The following DCP1B variants were observed in gnomAD, a reference collection of about 807,000 sequenced individuals.
DCP1B encodes mRNA-decapping enzyme 1B.
DCP1B carries 47 observed loss-of-function variants against 60.5 expected under a neutral mutation model. The observed-to-expected ratio is 0.78, with a 90% CI of 0.61 to 0.99. The LOEUF (loss-of-function observed/expected upper bound fraction) is 0.99, where lower values mean the gene tolerates loss of function less well. DCP1B is among the 50% of genes least tolerant of loss of function. DCP1B has a pLI of 0.00. For missense variants in DCP1B, 725 were observed against 756.8 expected (o/e 0.96, Z 0.49); for synonymous variants, 267 against 280.3 (o/e 0.95, Z 0.47).
intron 7 of DCP1B, 31 bp from the exon 8 acceptor site, chr12:1,949,365 G>C (rs957835177): frequency 1.2e-6 from 2 of 1,606,762 alleles, no homozygotes; most frequent in East Asian, 2.2e-5. Context: ...CAGAGAGCGG[G>C]GTTCAGGAGC....
Position 1,952,981 on chromosome 12 carries a change from C to T in DCP1B, c.959G>A (p.Ser320Asn), listed in dbSNP as rs529051226. The T allele has an allele frequency of 1.2e-6, 2 of 1,614,144 alleles. No individual in the cohort carries two copies. Among genetic ancestry groups the T allele is most frequent in the East Asian group, 4.5e-5 (2 of 44,892 alleles). ...LPENRPCENG[S>N]THSAGEFFTG... Reference sequence around the variant, plus strand: ...AAAAAATTCTCCCGCAGAATGGGTACTGCCATTTTCACAAGGCCGGTTTTC... The same window carrying T: ...AAAAAATTCTCCCGCAGAATGGGTATTGCCATTTTCACAAGGCCGGTTTTC... Residue 320 changes from serine to asparagine, a missense_variant, in exon 7 of 9, where the codon AGT becomes AAT. Transcript: ENST00000280665.
chr12:1,982,305 C>T (rs1376475630), intron 3 of DCP1B, among the ~76,000 whole-genome samples: 3 of 152,072 alleles, frequency 2.0e-5, no homozygotes, highest in Admixed American at 6.5e-5. Flanking sequence ...GCAACCATCA[C>T]CGCTATCCAT....
rs2030852347 is a variant in DCP1B at position 1,955,542 on chromosome 12, G to C, written c.541C>G (p.Pro181Ala). ...EYTKCKTCSE[P>A]KKITSSSAIY... ...GCAGAGGAACTGGTTATCTTTTTTG[G>C]CTCAGAACAGGTTTTACACTGAAAT... The change falls in exon 6 of 9, where the codon CCA (proline) becomes GCA (alanine). Residue 181 changes from proline to alanine, a missense_variant. Physicochemically the swap from Pro to Ala is conservative, Grantham distance 27. Transcript: ENST00000280665. 6.2e-7 allele frequency: 1 copy of C among 1,613,156 alleles called. No homozygotes were observed. Among genetic ancestry groups the C allele is most frequent in the South Asian group, 1.1e-5 (1 of 91,044 alleles).
chr12:1,980,010 T>G (rs1251573156), intron 3 of DCP1B, among the ~76,000 whole-genome samples: 1 of 152,144 alleles, frequency 6.6e-6, no homozygotes, highest in African/African-American at 2.4e-5. Flanking sequence ...ATGGGAAGTC[T>G]TAGACATTAT....
downstream of DCP1B, among the ~76,000 whole-genome samples, chr12:1,941,952 AT>A (rs2030290405): frequency 6.6e-6 from 1 of 152,230 alleles, no homozygotes; most frequent in South Asian, 2.1e-4. Context: ...TTAACCTTAA[AT>A]GTAAATGGGC....
intron 3 of DCP1B, among the ~76,000 whole-genome samples, chr12:1,985,898 C>A (rs931014859): frequency 1.8e-4 from 28 of 152,280 alleles, no homozygotes; most frequent in African/African-American, 6.5e-4. Context: ...GCAAGCTCCA[C>A]CTCCTGGGTT....
intron 3 of DCP1B, among the ~76,000 whole-genome samples, chr12:1,988,460 G>A (rs893584895): frequency 6.6e-6 from 1 of 152,212 alleles, no homozygotes; most frequent in Admixed American, 6.5e-5. Context: ...CCATTCTGCA[G>A]GGTGGGTCAA....
chr12:1,997,705 T>C (rs1446214338), intron 2 of DCP1B, among the ~76,000 whole-genome samples: 2 of 152,260 alleles, frequency 1.3e-5, no homozygotes, highest in Non-Finnish European at 2.9e-5. Context: ...TGATTTAAGT[T>C]CATCTACATT....
chr12:1,949,851 C>A (rs1225725850), intron 7 of DCP1B, among the ~76,000 whole-genome samples: 3 of 152,232 alleles, frequency 2.0e-5, no homozygotes, highest in Non-Finnish European at 2.9e-5. Flanking sequence ...CCTTCCCTGA[C>A]AGGATCTGCC....
chr12:1,968,636 G>A (rs1565772001), intron 3 of DCP1B, among the ~76,000 whole-genome samples: 1 of 152,142 alleles, frequency 6.6e-6, no homozygotes, highest in African/African-American at 2.4e-5. Flanking sequence ...TCAGAAACCT[G>A]ATACTCAAAT....
Position 1,950,673 on chromosome 12 carries a change from G to T in DCP1B, c.1525-1339C>A, listed in dbSNP as rs112398754. The stretch of plus-strand genomic sequence containing the variant: ...ACTGAATTTTTTGTTTTGAGACAAG[G>T]TCTCACTCTACTGCCCAGGCTGGAG... On this transcript the variant is annotated intron_variant, in intron 7 of 8. Transcript: ENST00000280665. 1.7e-3 allele frequency among the ~76,000 whole-genome samples: 255 copies of T among 152,294 alleles called. 3 individuals are homozygous for T. The highest frequency in any genetic ancestry group is 5.6e-3 in the African/African-American group (233 of 41,560).
intron 3 of DCP1B, among the ~76,000 whole-genome samples, chr12:1,990,093 T>C (rs1273399693): frequency 6.6e-6 from 1 of 152,192 alleles, no homozygotes; most frequent in Non-Finnish European, 1.5e-5. Flanking sequence ...GAAGTTAAGG[T>C]TTCTTGGTTC....
At chr12:1,949,511 C>T (rs976779784) in intron 7 of DCP1B, among the ~76,000 whole-genome samples, 177 bp from the exon 8 acceptor site, 1 of 152,232 alleles carries the variant, frequency 6.6e-6, no homozygotes, top group Non-Finnish European at 1.5e-5. Flanking sequence ...TTCAGCATCA[C>T]TGAGCAGCTC....
In DCP1B at chr12:1,948,986, C is replaced by T. The variant is rs144740063; in HGVS notation, c.1773+100G>A. 4.1e-4 allele frequency: 608 copies of T among 1,475,804 alleles called. 3 individuals carry two copies. In the African/African-American group the frequency reaches 7.6e-3, roughly 18 times the overall value. 91.4% of individuals were successfully genotyped at this position (1,475,804 alleles called of 1,614,324 possible). ...TTGTTACACACACCTGTTATTCTCA[C>T]GGAAGCTAAGCAGGCCTTGGCTGAG... is the stretch of plus-strand genomic sequence containing the variant. On this transcript the variant is annotated intron_variant, in intron 8 of 8. Transcript: ENST00000280665. This position sits in a 1 kb window ranked among gnomAD's most constrained non-coding sequence, Gnocchi z 4.8.
chr12:1,954,204 A>G (rs921051046), intron 6 of DCP1B, among the ~76,000 whole-genome samples: 1 of 152,034 alleles, frequency 6.6e-6, no homozygotes, highest in Non-Finnish European at 1.5e-5. Context: ...AAAAGAGGAA[A>G]GAAAAAAAAC....
chr12:1,990,893 C>T (rs560846939), intron 3 of DCP1B, among the ~76,000 whole-genome samples: 3 of 151,948 alleles, frequency 2.0e-5, no homozygotes, highest in African/African-American at 7.2e-5. Context: ...CTTCTGTGTA[C>T]CTTTGATGCC....
Position 1,993,268 on chromosome 12 carries a change from G to C in DCP1B, c.315C>G (p.Ala105=), listed in dbSNP as rs1156745061. ...ACTGTAGTAAGAAAGACTCACATCT[G>C]GCATTTCTGTAGAGAAGGAAAGGGT... is the stretch of plus-strand genomic sequence containing the variant. ...LQDPFLLYRN[A]RLSIYGIWFY... is the part of the protein sequence containing the mutation. The change falls in exon 3 of 9, where the codon GCC becomes GCG. Residue 105 remains alanine (A), a synonymous_variant. Transcript: ENST00000280665. 1.2e-6 allele frequency: 2 copies of C among 1,614,066 alleles called. No individual in the cohort carries two copies.
Position 1,952,667 on chromosome 12 carries a change from CT to C in DCP1B, c.1272del (p.Glu425AsnfsTer22), listed in dbSNP as rs987194464. The C allele has an allele frequency of 1.2e-6, 2 of 1,614,068 alleles. No homozygotes were observed. The highest frequency in any genetic ancestry group is 1.7e-6 in the Non-Finnish European group (2 of 1,180,044). On this transcript the variant is annotated frameshift_variant, in exon 7 of 9. Coordinates refer to ENST00000280665, the MANE Select transcript of DCP1B (RefSeq NM_152640.5). LOFTEE classifies it high-confidence loss of function. ...GTTTGTCTTGGGAGTGTGGACTGTTCTCTTCCATGAGCCTGATGTCCTACTG... is the reference window on the plus strand; with the variant it reads ...GTTTGTCTTGGGAGTGTGGACTGTTCCTTCCATGAGCCTGATGTCCTACTG... ...PQTVGHQAHG[R>X]EQSTLPRQTL...
chr12:1,950,496 C>T (rs2030627066), intron 7 of DCP1B: 1 of 688,066 alleles, frequency 1.5e-6, no homozygotes. Context: ...GGGACAATAA[C>T]ACTGAAATGA....
Sources: gnomAD v4.1 joint callset for allele counts (sites outside exome capture counted in the v4.1 genomes callset) on GRCh38, gnomAD v4.1.1 for gene constraint, Gnocchi (gnomAD v3.1) non-coding constraint, MANE v1.5 for transcripts, NCBI Gene and HGNC (gene_info 2026-07-23, HGNC 2026-07-21) for gene names.